TMEM65: variants seen among roughly 807,000 people sequenced by gnomAD.
The protein encoded by TMEM65 is transmembrane protein 65.
In TMEM65, 22 loss-of-function variants were observed where a neutral mutation model predicts 25.4. The observed-to-expected ratio is 0.86, with a 90% confidence interval of 0.62 to 1.23. The LOEUF (loss-of-function observed/expected upper bound fraction) is 1.23. Ranked by LOEUF, TMEM65 falls within the 50% of genes most tolerant of loss-of-function variation. TMEM65 has a pLI of 0.00. For missense variants in TMEM65, 262 were observed against 308.2 expected (o/e 0.85, Z 1.12); for synonymous variants, 132 against 126.2 (o/e 1.05, Z -0.31).
At chr8:124,356,345 C>A (rs922080161) in intron 1 of TMEM65, among the ~76,000 whole-genome samples, 1 of 152,120 alleles carries the variant, frequency 6.6e-6, no homozygotes, top group Admixed American at 6.6e-5. Flanking sequence ...TATTAATCTG[C>A]CTTCTGTCAG....
chr8:124,313,752 C>A lies in TMEM65; in HGVS notation c.*208G>T. 1 of 489,948 alleles carries A rather than the reference C, an allele frequency of 2.0e-6. No individual in the cohort carries two copies. Among genetic ancestry groups the A allele is most frequent in the Non-Finnish European group, 3.6e-6 (1 of 276,922 alleles). The allele number at this position is 489,948 out of a possible 1,614,324, so 30.4% of individuals were successfully genotyped here. Reference sequence around the variant, plus strand: ...TGCTATTGATGAAAAAGCATTTCAACAATATACACAAAATGATACTAAACA... The same window carrying A: ...TGCTATTGATGAAAAAGCATTTCAAAAATATACACAAAATGATACTAAACA... On this transcript the variant is annotated 3_prime_UTR_variant, in exon 7 of 7. Coordinates refer to ENST00000297632, the MANE Select transcript of TMEM65 (RefSeq NM_194291.3).
At chr8:124,370,131 T>C (rs528481619) in intron 1 of TMEM65, among the ~76,000 whole-genome samples, 1 of 152,308 alleles carries the variant, frequency 6.6e-6, no homozygotes, top group South Asian at 2.1e-4. Flanking sequence ...AATTTAAAAA[T>C]ATTATCTTTA....
At position 124,332,954 on chromosome 8, in the gene TMEM65, T is replaced by C. The variant is rs535902297; in HGVS notation, c.305-2162A>G. On this transcript the variant is annotated intron_variant, in intron 1 of 6. Coordinates refer to ENST00000297632, the MANE Select transcript of TMEM65 (RefSeq NM_194291.3). ...CCGAGTAGCTGGGACTACAGGTGTG[T>C]GCCACCACACCTGGCTAATTTTGTA... is the stretch of plus-strand genomic sequence containing the variant. 3.6e-3 allele frequency among the ~76,000 whole-genome samples: 547 copies of C among 152,010 alleles called. 4 individuals carry two copies. The highest frequency in any genetic ancestry group is 3.6e-3 in the Non-Finnish European group (246 of 67,950).
In TMEM65 at chr8:124,330,742, C is replaced by T. The variant is rs564814680; in HGVS notation, c.349+6G>A. ...AACATATATTTAACAATTATAGAAC[C>T]ATTACCATATCTCAGCTGTCCTGGG... On this transcript the variant is annotated splice_donor_region_variant and intron_variant, in intron 2 of 6. Coordinates refer to ENST00000297632, the MANE Select transcript of TMEM65 (RefSeq NM_194291.3). The T allele has an allele frequency of 5.3e-5, 84 of 1,589,596 alleles. 1 individual carries two copies. The South Asian group carries it at 9.0e-4, about 17-fold the overall frequency.
chr8:124,331,185 C>T (rs930459343), intron 1 of TMEM65, among the ~76,000 whole-genome samples: 1 of 151,676 alleles, frequency 6.6e-6, no homozygotes, highest in African/African-American at 2.4e-5. Context: ...TTAAGAAATA[C>T]ACAAACAAGC....
intron 1 of TMEM65, among the ~76,000 whole-genome samples, chr8:124,335,267 C>G (rs1289929564): frequency 1.3e-5 from 2 of 152,072 alleles, no homozygotes; most frequent in Admixed American, 6.6e-5. Flanking sequence ...AAAAATGTAT[C>G]CTTTAAGAAT....
Position 124,372,270 on chromosome 8 carries a change from G to T in TMEM65, c.-113C>A. 1 of 1,022,348 alleles carries T rather than the reference G, an allele frequency of 9.8e-7. No individual in the cohort carries two copies. The highest frequency in any genetic ancestry group is 2.5e-5 in the South Asian group (1 of 39,812). 63.3% of individuals were successfully genotyped at this position (1,022,348 alleles called of 1,614,324 possible). On this transcript the variant is annotated 5_prime_UTR_variant, in exon 1 of 7. It adds an upstream start codon to the 5' untranslated region. Coordinates refer to ENST00000297632, the MANE Select transcript of TMEM65 (RefSeq NM_194291.3). ...ACCCCGCCCCGAGGTCCTCCTGCCA[G>T]GCAGCCGAGGCGCCGGGCACCATGC... is the stretch of plus-strand genomic sequence containing the variant.
chr8:124,325,430 A>G (rs1198730755), intron 3 of TMEM65, among the ~76,000 whole-genome samples: 10 of 152,114 alleles, frequency 6.6e-5, no homozygotes, highest in African/African-American at 2.4e-4. Flanking sequence ...TTGTCTCTGA[A>G]TGAGTTTGCA....
intron 1 of TMEM65, among the ~76,000 whole-genome samples, chr8:124,339,006 T>C (rs1332544746): frequency 2.6e-5 from 4 of 151,326 alleles, no homozygotes; most frequent in African/African-American, 7.3e-5. Context: ...CTGGCCAATA[T>C]GGTGAAACCC....
At chr8:124,323,414 T>A in intron 3 of TMEM65, 39 bp from the exon 4 acceptor site, 1 of 1,184,844 alleles carries the variant, frequency 8.4e-7, no homozygotes, top group East Asian at 2.5e-5. Flanking sequence ...AAATTAAAGC[T>A]GAAGTGACTA....
At position 124,308,196 on chromosome 8, in the gene TMEM65, A is replaced by T. The variant is rs1176895970; in HGVS notation, c.*5764T>A. ...GACTGCCTTTTAAAGTTGTTTTGAT[A>T]CTGGACAATGCCCCTGGCCACCCAC... On this transcript the variant is annotated 3_prime_UTR_variant, in exon 7 of 7. Coordinates refer to ENST00000297632, the MANE Select transcript of TMEM65 (RefSeq NM_194291.3). 6.6e-6 allele frequency: 1 copy of T among 152,170 alleles called. No individual in the cohort carries two copies. Among genetic ancestry groups the T allele is most frequent in the Non-Finnish European group, 1.5e-5 (1 of 68,058 alleles). 9.4% of individuals were successfully genotyped at this position (152,170 alleles called of 1,614,324 possible).
intron 1 of TMEM65, among the ~76,000 whole-genome samples, chr8:124,342,800 G>A (rs1003736366): frequency 2.6e-5 from 4 of 151,996 alleles, no homozygotes; most frequent in Non-Finnish European, 5.9e-5. Context: ...TGTTTGGTTT[G>A]GCAAACCCAT....
Position 124,307,109 on chromosome 8 carries a change from C to A in TMEM65, c.*6851G>T, listed in dbSNP as rs1814100375. 6.6e-6 allele frequency: 1 copy of A among 152,144 alleles called. No homozygotes were observed. Among genetic ancestry groups the A allele is most frequent in the South Asian group, 2.1e-4 (1 of 4,826 alleles). The allele number at this position is 152,144 out of a possible 1,614,324, so 9.4% of individuals were successfully genotyped here. The stretch of plus-strand genomic sequence containing the variant: ...CACTACTACCATAATTTCAGAGCTA[C>A]CTCCTGTTGCTGTTGCTGTGAGCTC... On this transcript the variant is annotated 3_prime_UTR_variant, in exon 7 of 7. Transcript: ENST00000297632.
At position 124,372,217 on chromosome 8, in the gene TMEM65, G is replaced by A; in HGVS notation, c.-60C>T. 1 of 1,234,186 alleles carries A rather than the reference G, an allele frequency of 8.1e-7. No individual in the cohort carries two copies. Among genetic ancestry groups the A allele is most frequent in the Non-Finnish European group, 1.0e-6 (1 of 980,684 alleles). 76.5% of individuals were successfully genotyped at this position (1,234,186 alleles called of 1,614,324 possible). A position where few individuals can be genotyped will look rare whatever the true frequency, so the allele number is the denominator to read the frequency against. The stretch of plus-strand genomic sequence containing the variant: ...CGGCAAGGCGGTTTCTGGCGCGGCT[G>A]AGGCGAGAAGGAGCTGGGCTCAGCT... On this transcript the variant is annotated 5_prime_UTR_variant, in exon 1 of 7. Coordinates refer to ENST00000297632, the MANE Select transcript of TMEM65 (RefSeq NM_194291.3).
intron 1 of TMEM65, among the ~76,000 whole-genome samples, chr8:124,339,574 C>T (rs922063161): frequency 9.9e-5 from 15 of 151,992 alleles, no homozygotes; most frequent in African/African-American, 3.6e-4. Context: ...CTGAAGTATA[C>T]CTCCAGGAGC....
At chr8:124,351,214 T>G (rs1322150010) in intron 1 of TMEM65, 1 of 687,466 alleles carries the variant, frequency 1.5e-6, no homozygotes, top group East Asian at 1.3e-4. Flanking sequence ...AAGTGCCACA[T>G]GCTAGTATAC....
intron 2 of TMEM65, among the ~76,000 whole-genome samples, chr8:124,329,830 T>C (rs1814410212): frequency 6.6e-6 from 1 of 151,858 alleles, no homozygotes; most frequent in African/African-American, 2.4e-5. Context: ...ATGATAATAG[T>C]ATACAGTATT....
At chr8:124,361,208 T>C (rs1299143790) in intron 1 of TMEM65, among the ~76,000 whole-genome samples, 1 of 147,436 alleles carries the variant, frequency 6.8e-6, no homozygotes, top group African/African-American at 2.5e-5. Context: ...CCGAGGCGGG[T>C]AGGTCACTCA....
At chr8:124,366,617 T>C (rs1180411952) in intron 1 of TMEM65, among the ~76,000 whole-genome samples, 6 of 152,212 alleles carry the variant, frequency 3.9e-5, no homozygotes, top group Middle Eastern at 6.8e-3. Flanking sequence ...TGAGCTATGA[T>C]AGAAGGGTTG....
Sources: allele counts gnomAD v4.1 joint callset (sites outside exome capture counted in the v4.1 genomes callset), GRCh38; gene constraint gnomAD v4.1.1; transcripts MANE v1.5; gene names NCBI Gene and HGNC (gene_info 2026-07-23, HGNC 2026-07-21).